The following DMXL1 variants were observed in gnomAD, a reference collection of about 807,000 sequenced individuals.
DMXL1 encodes the protein dmX-like protein 1.
In DMXL1, 99 loss-of-function variants were observed where a neutral mutation model predicts 319.2. The observed-to-expected ratio is 0.31, with a 90% confidence interval of 0.26 to 0.37. The LOEUF is 0.37. Ranked by LOEUF, DMXL1 falls within the 10% of genes least tolerant of loss-of-function variation. The pLI, the probability that DMXL1 is intolerant of heterozygous loss-of-function variation, is 1.00. For missense variants in DMXL1, 3,745 were observed against 3,595.6 expected (o/e 1.04, Z -1.06); for synonymous variants, 1,385 against 1,235.2 (o/e 1.12, Z -2.54).
rs1192049779 is a variant in DMXL1, at chr5:119,167,694, C to A, written c.5228C>A (p.Ser1743Tyr). Residue 1743 changes from serine (S) to tyrosine (Y), a missense_variant, in exon 23 of 44, where the codon TCT becomes TAT. Ser to Tyr is a moderately radical substitution (Grantham distance 144, BLOSUM62 -2). Transcript: ENST00000539542. ...SEFDTSAAYK[S>Y]ILRKKVLGID... ...TTTGATACATCTGCAGCATATAAAT[C>A]TATTTTACGTAAAAAAGTTTTGGGA... The A allele has an allele frequency of 5.6e-6, 9 of 1,613,456 alleles. No homozygotes were observed. In the Middle Eastern group the frequency reaches 6.6e-4, roughly 118 times the overall value.
chr5:119,193,350 CCT>C lies in DMXL1; in HGVS notation c.7315-477_7315-476del, dbSNP rs538532655. ...CAAACTCTTTCTGCATTATTTTTCC[CCT>C]GTCTAAAATGCTTTTCTTCCCTCTT... On this transcript the variant is annotated intron_variant, in intron 29 of 43. Transcript: ENST00000539542. Among the ~76,000 whole-genome samples the C allele has an allele frequency of 5.6e-3, 855 of 152,204 alleles. 9 individuals carry two copies. The highest frequency in any genetic ancestry group is 0.02 in the African/African-American group (822 of 41,546).
intron 5 of DMXL1, among the ~76,000 whole-genome samples, chr5:119,113,242 T>TTTG (rs374912282): frequency 2.6e-5 from 4 of 152,172 alleles, no homozygotes; most frequent in South Asian, 2.1e-4. Flanking sequence ...ATGACATATT[T>TTTG]TTGTTGTTGT....
At chr5:119,194,033 G>GA (rs774625011) in intron 30 of DMXL1, 63 bp downstream of exon 30, 9 of 1,188,146 alleles carry the variant, frequency 7.6e-6, no homozygotes, top group Non-Finnish European at 1.0e-5. Context: ...TAATATTTTT[G>GA]AAAAAATTAC....
At chr5:119,157,885 C>A (rs747888670) in intron 19 of DMXL1, among the ~76,000 whole-genome samples, 2 of 152,052 alleles carry the variant, frequency 1.3e-5, no homozygotes, top group Non-Finnish European at 2.9e-5. Context: ...ATAGAGATTG[C>A]GTTGAATCTG....
chr5:119,168,012 T>C (rs1003741456), intron 23 of DMXL1, 148 bp downstream of exon 23: 28 of 677,256 alleles, frequency 4.1e-5, no homozygotes, highest in East Asian at 1.3e-4. Context: ...TTGGTTTTTT[T>C]CTCCAGAAAG....
In DMXL1 at chr5:119,110,199, C is replaced by G. The variant is rs1293216456; in HGVS notation, c.413C>G (p.Thr138Ser). 10 of 1,590,820 alleles carry G rather than the reference C, an allele frequency of 6.3e-6. No individual in the cohort carries two copies. Among genetic ancestry groups the G allele is most frequent in the Non-Finnish European group, 8.5e-6 (10 of 1,173,572 alleles). Reference sequence around the variant, plus strand: ...AGCTATTTGCAACTCTGGTCCAATACTAACTTGGAGAAGCCAACTGAAGAT... The same window carrying G: ...AGCTATTTGCAACTCTGGTCCAATAGTAACTTGGAGAAGCCAACTGAAGAT... ...GSSYLQLWSN[T>S]NLEKPTEDEN... The change falls in exon 5 of 44, where the codon ACT becomes AGT. Residue 138 changes from threonine to serine, a missense_variant. Around this residue, in one of 4 missense-constraint regions of DMXL1, gnomAD observed 2,096 missense variants for 1,985.4 expected, o/e 1.06. Coordinates refer to ENST00000539542, the MANE Select transcript of DMXL1 (RefSeq NM_001290321.3).
At position 119,237,312 on chromosome 5, in the gene DMXL1, T is replaced by C; in HGVS notation, c.8467-10T>C. On this transcript the variant is annotated splice_polypyrimidine_tract_variant and intron_variant, in intron 39 of 43. Coordinates refer to ENST00000539542, the MANE Select transcript of DMXL1 (RefSeq NM_001290321.3). ...ATATTAAATACTTTTAAATATTTTC[T>C]TTCTCTAAGTTTGGAATAGTTGATG... 6.7e-7 allele frequency: 1 copy of C among 1,498,166 alleles called. No homozygotes were observed. The allele number at this position is 1,498,166 out of a possible 1,614,324, so 92.8% of individuals were successfully genotyped here.
At chr5:119,214,018 CT>C (rs1306777352) in intron 34 of DMXL1, among the ~76,000 whole-genome samples, 1 of 152,130 alleles carries the variant, frequency 6.6e-6, no homozygotes, top group Non-Finnish European at 1.5e-5. Flanking sequence ...AGTTCTCTAA[CT>C]TTTTATCTTT....
rs35820347 is a variant in DMXL1 at position 119,188,220 on chromosome 5, G to GT, written c.7136-1479dup. On this transcript the variant is annotated intron_variant, in intron 28 of 43. Transcript: ENST00000539542. The stretch of plus-strand genomic sequence containing the variant: ...AATCTATTAATTTAACATTGTACGT[G>GT]TTTTTTTTTCAGAGATTGTCTATAC... Among the ~76,000 whole-genome samples, 1,140 of 150,344 alleles carry GT rather than the reference G, an allele frequency of 7.6e-3. 14 individuals are homozygous for GT. The highest frequency in any genetic ancestry group is 0.03 in the South Asian group (142 of 4,748).
rs759111027 is a variant in DMXL1 at position 119,166,776 on chromosome 5, A to G, written c.5131A>G (p.Ile1711Val). 15 of 1,607,436 alleles carry G rather than the reference A, an allele frequency of 9.3e-6. No homozygotes were observed. The African/African-American group carries it at 1.3e-4, about 14-fold the overall frequency. Residue 1711 changes from isoleucine (I) to valine (V), a missense_variant, in exon 22 of 44, where the codon ATT becomes GTT. Transcript: ENST00000539542. ...TTTAGCTGGTTGCCTCAGAGATGCA[A>G]TTGAGGTAATGAGTGAAATTTAAAT... ...FLLAGCLRDA[I>V]EVCLEKLNDI...
intron 35 of DMXL1, among the ~76,000 whole-genome samples, chr5:119,219,912 T>C (rs972918809): frequency 7.2e-5 from 11 of 152,068 alleles, no homozygotes; most frequent in African/African-American, 2.7e-4. Flanking sequence ...TTTCATGTCA[T>C]TTAACCTTAG....
In DMXL1 at chr5:119,071,148, C is replaced by G; in HGVS notation, c.-422C>G. On this transcript the variant is annotated 5_prime_UTR_variant, in exon 1 of 44. Coordinates refer to ENST00000539542, the MANE Select transcript of DMXL1 (RefSeq NM_001290321.3). ...GGCGGGCACCGGAGCCGGGAAGGGA[C>G]AGGTCAGGCGGGGAGTGCGAGCGCG... The G allele has an allele frequency of 9.9e-6, 2 of 201,610 alleles. No individual in the cohort carries two copies. Among genetic ancestry groups the G allele is most frequent in the Non-Finnish European group, 2.1e-5 (2 of 97,542 alleles). The allele number at this position is 201,610 out of a possible 1,614,324, so 12.5% of individuals were successfully genotyped here. A position where few individuals can be genotyped will look rare whatever the true frequency, so the allele number is the denominator to read the frequency against.
At chr5:119,185,513 G>GTTTGT (rs1482156982) in intron 28 of DMXL1, among the ~76,000 whole-genome samples, 1 of 151,826 alleles carries the variant, frequency 6.6e-6, no homozygotes, top group African/African-American at 2.4e-5. Flanking sequence ...TTGTTTGTTT[G>GTTTGT]TTTTTTTGAG....
intron 13 of DMXL1, among the ~76,000 whole-genome samples, chr5:119,143,436 A>G (rs1270615387): frequency 6.6e-6 from 1 of 152,084 alleles, no homozygotes; most frequent in African/African-American, 2.4e-5. Flanking sequence ...TAAAGCAGTC[A>G]GGACATGAAT....
intron 34 of DMXL1, among the ~76,000 whole-genome samples, chr5:119,208,624 T>G (rs1194374818): frequency 2.0e-5 from 3 of 152,098 alleles, no homozygotes; most frequent in Non-Finnish European, 1.5e-5. Flanking sequence ...CAAAATACAG[T>G]CTTTTTGAGG....
chr5:119,228,578 T>C (rs35990623), intron 38 of DMXL1, among the ~76,000 whole-genome samples: 220 of 152,312 alleles, frequency 1.4e-3, no homozygotes, highest in Non-Finnish European at 2.2e-3. Context: ...TATTTGACAA[T>C]GCTTCCCATG....
At chr5:119,199,422 A>G (rs1039401677) in intron 32 of DMXL1, among the ~76,000 whole-genome samples, 3 of 152,158 alleles carry the variant, frequency 2.0e-5, no homozygotes, top group Admixed American at 6.6e-5. Context: ...TTATGGCTAC[A>G]TAGTATTTCT....
At chr5:119,211,179 G>T (rs983526253) in intron 34 of DMXL1, among the ~76,000 whole-genome samples, 1 of 151,866 alleles carries the variant, frequency 6.6e-6, no homozygotes, top group African/African-American at 2.4e-5. Context: ...AAAATTTTAA[G>T]AATTTTTACA....
rs368270340 is a variant in DMXL1, at chr5:119,170,707, T to C, written c.5916T>C (p.Asn1972=). Reference sequence around the variant, plus strand: ...TAGAGTTAAAATGGGACAGTGATAATGATGAAGAAAATGAGGATGTCCCTA... The same window carrying C: ...TAGAGTTAAAATGGGACAGTGATAACGATGAAGAAAATGAGGATGTCCCTA... ...DSLELKWDSD[N]DEENEDVPIS... Residue 1972 remains asparagine (N), a synonymous_variant, in exon 24 of 44, where the codon AAT becomes AAC. Coordinates refer to ENST00000539542, the MANE Select transcript of DMXL1 (RefSeq NM_001290321.3). The C allele has an allele frequency of 5.6e-6, 9 of 1,613,122 alleles. No individual in the cohort carries two copies. The South Asian group carries it at 7.7e-5, about 14-fold the overall frequency.
Sources: gnomAD v4.1 joint callset for allele counts (sites outside exome capture counted in the v4.1 genomes callset) on GRCh38, gnomAD v4.1.1 for gene constraint, gnomAD v4.1.1 regional missense constraint, MANE v1.5 for transcripts, NCBI Gene and HGNC (gene_info 2026-07-23, HGNC 2026-07-21) for gene names.